The following PPP1R12A variants were observed in gnomAD, a reference collection of about 807,000 sequenced individuals.
PPP1R12A encodes the protein myosin binding subunit.
PPP1R12A carries 19 observed loss-of-function variants against 139.6 expected under a neutral mutation model. The observed-to-expected ratio is 0.14, with a 90% CI of 0.09 to 0.20. The LOEUF is 0.20. PPP1R12A is among the 10% of genes least tolerant of loss of function. The probability of loss-of-function intolerance (pLI) is 1.00; values close to 1 mark genes in which losing one functional copy is unlikely to be tolerated. For missense variants in PPP1R12A, 925 were observed against 1,211.5 expected (o/e 0.76, Z 3.51); for synonymous variants, 427 against 420.6 (o/e 1.02, Z -0.19).
At chr12:79,888,142 G>A (rs1387759086) in intron 1 of PPP1R12A, among the ~76,000 whole-genome samples, 2 of 152,124 alleles carry the variant, frequency 1.3e-5, no homozygotes, top group African/African-American at 4.8e-5. Flanking sequence ...GAAGTATACA[G>A]ACCAGATACC....
chr12:79,838,251 T>A (rs936063785), intron 3 of PPP1R12A, among the ~76,000 whole-genome samples: 5 of 152,236 alleles, frequency 3.3e-5, no homozygotes, highest in Non-Finnish European at 7.3e-5. Flanking sequence ...CCTAGAGATC[T>A]GTGGAACTCT....
At chr12:79,897,535 A>G (rs1479159201) in intron 1 of PPP1R12A, among the ~76,000 whole-genome samples, 1 of 152,174 alleles carries the variant, frequency 6.6e-6, no homozygotes, top group African/African-American at 2.4e-5. Context: ...AAGTTGAAAA[A>G]GAGAAAAAAG....
chr12:79,896,224 T>A (rs946370585), intron 1 of PPP1R12A, among the ~76,000 whole-genome samples: 8 of 152,104 alleles, frequency 5.3e-5, no homozygotes, highest in Non-Finnish European at 1.2e-4. Context: ...TTCTAAAACA[T>A]CCCTAATATT....
In PPP1R12A at chr12:79,806,131, A is replaced by T. The variant is rs201501380; in HGVS notation, c.1823+35T>A. 56 of 1,605,740 alleles carry T rather than the reference A, an allele frequency of 3.5e-5. 1 individual carries two copies. In the East Asian group the frequency reaches 1.2e-3, roughly 35 times the overall value. On this transcript the variant is annotated intron_variant, in intron 13 of 24. Transcript: ENST00000450142. ...AACGCATGCACATACATAAGCACAC[A>T]GTAGACCTGAGCACAAAATGTATCT...
chr12:79,811,763 T>C (rs1431485478), intron 9 of PPP1R12A, among the ~76,000 whole-genome samples: 3 of 152,134 alleles, frequency 2.0e-5, no homozygotes, highest in African/African-American at 7.2e-5. Flanking sequence ...CCAACCAGTT[T>C]GCTATACAAA....
rs1013079024 is a variant in PPP1R12A at position 79,786,382 on chromosome 12, C to T, written c.2899G>A (p.Ala967Thr). ...AAGAAAAGGGTACAAACCTGGGTGG[C>T]CTTTTCCAACTGTAATTTAAGATCT... ...LTDLKLQLEK[A>T]TQRQERFADR... is the part of the protein sequence containing the mutation. The change falls in exon 22 of 25, where the codon GCC becomes ACC. Residue 967 changes from alanine (A) to threonine (T), a missense_variant. Transcript: ENST00000450142. The T allele has an allele frequency of 6.5e-7, 1 of 1,546,086 alleles. No homozygotes were observed. The highest frequency in any genetic ancestry group is 1.2e-5 in the South Asian group (1 of 81,946).
At chr12:79,848,556 G>C (rs1879675403) in intron 2 of PPP1R12A, among the ~76,000 whole-genome samples, 1 of 152,214 alleles carries the variant, frequency 6.6e-6, no homozygotes, top group Non-Finnish European at 1.5e-5. Context: ...AGGATGTTAA[G>C]AGAAACTAAC....
intron 14 of PPP1R12A, 151 bp downstream of exon 14, chr12:79,805,441 T>A: frequency 3.4e-6 from 2 of 582,024 alleles, no homozygotes; most frequent in Non-Finnish European, 2.7e-6. Flanking sequence ...GCTAGTTGTA[T>A]AAATTTACAT....
At chr12:79,927,397 G>A (rs1040744667) in intron 1 of PPP1R12A, among the ~76,000 whole-genome samples, 7 of 152,174 alleles carry the variant, frequency 4.6e-5, no homozygotes, top group Admixed American at 1.3e-4. Context: ...GGACAATTTC[G>A]AATTCTGAGA....
At chr12:79,881,909 G>A (rs1883674488) in intron 1 of PPP1R12A, among the ~76,000 whole-genome samples, 1 of 152,134 alleles carries the variant, frequency 6.6e-6, no homozygotes, top group African/African-American at 2.4e-5. Context: ...TACTCTGCCA[G>A]TGCTCTATAA....
chr12:79,860,184 TTAAA>T (rs1436401995), intron 2 of PPP1R12A, among the ~76,000 whole-genome samples: 1 of 152,084 alleles, frequency 6.6e-6, no homozygotes. Flanking sequence ...GGTGGCAAAA[TTAAA>T]TAACAGAAAA....
At chr12:79,804,791 G>GA (rs1325999417) in intron 14 of PPP1R12A, among the ~76,000 whole-genome samples, 1 of 151,872 alleles carries the variant, frequency 6.6e-6, no homozygotes, top group Non-Finnish European at 1.5e-5. Flanking sequence ...AGAAAGAACT[G>GA]AACTACTTTT....
At chr12:79,878,640 T>C (rs1883342235) in intron 1 of PPP1R12A, among the ~76,000 whole-genome samples, 1 of 152,134 alleles carries the variant, frequency 6.6e-6, no homozygotes, top group African/African-American at 2.4e-5. Flanking sequence ...CTTACCATCA[T>C]GGTGGAAGGA....
At chr12:79,827,079 C>T (rs1876878787) in intron 5 of PPP1R12A, among the ~76,000 whole-genome samples, 3 of 152,154 alleles carry the variant, frequency 2.0e-5, no homozygotes, top group African/African-American at 7.2e-5. Context: ...AATTAGCTGG[C>T]CTTTTACTTG....
In PPP1R12A at chr12:79,795,703, T is replaced by C; in HGVS notation, c.2518A>G (p.Ile840Val). ...TCTCTTGGTCGTCGTCGTTCTCTGA[T>C]TGATTTAGGTTGTGATTTATCTTCT... ...EGEDKSQPKSIRERRRPREKR... is the reference protein window; with the variant it reads ...EGEDKSQPKSVRERRRPREKR... The change falls in exon 18 of 25, where the codon ATC (isoleucine) becomes GTC (valine). Residue 840 changes from isoleucine to valine, a missense_variant. By Grantham distance (29) the Ile-to-Val change is conservative. Transcript: ENST00000450142. 3 of 1,612,092 alleles carry C rather than the reference T, an allele frequency of 1.9e-6. No homozygotes were observed. Among genetic ancestry groups the C allele is most frequent in the East Asian group, 2.2e-5 (1 of 44,844 alleles).
intron 1 of PPP1R12A, among the ~76,000 whole-genome samples, chr12:79,912,708 A>G (rs1222188994): frequency 6.6e-6 from 1 of 151,482 alleles, no homozygotes; most frequent in African/African-American, 2.4e-5. Context: ...AAAAAAAAAA[A>G]GAAGAAATAA....
At chr12:79,798,647 T>C in intron 14 of PPP1R12A, 63 bp from the exon 15 acceptor site, 1 of 890,368 alleles carries the variant, frequency 1.1e-6, no homozygotes, top group Admixed American at 2.4e-5. Flanking sequence ...TAAATATCTA[T>C]CAATGCATAT....
At chr12:79,825,937 T>TG (rs1876705065) in intron 5 of PPP1R12A, among the ~76,000 whole-genome samples, 1 of 151,390 alleles carries the variant, frequency 6.6e-6, no homozygotes, top group African/African-American at 2.4e-5. Flanking sequence ...ACTTCTCAAA[T>TG]GAAAAAAAAA....
chr12:79,822,272 T>C, intron 5 of PPP1R12A, 82 bp from the exon 6 acceptor site: 1 of 1,014,682 alleles, frequency 9.9e-7, no homozygotes, highest in Non-Finnish European at 1.5e-6. Flanking sequence ...TATAATTTTA[T>C]ATAAAGACGT....
Sources: allele counts gnomAD v4.1 joint callset (sites outside exome capture counted in the v4.1 genomes callset), GRCh38; gene constraint gnomAD v4.1.1; transcripts MANE v1.5; gene names NCBI Gene and HGNC (gene_info 2026-07-23, HGNC 2026-07-21).